Variants in PKD1L1 observed in about 807,000 individuals in gnomAD.
PKD1L1 encodes the protein polycystin 1 like 1, transient receptor potential channel interacting, also known as polycystin-1-like protein 1.
Under a neutral mutation model 323.4 loss-of-function variants are expected in PKD1L1, and 236 were observed. The ratio of observed to expected loss-of-function variants is 0.73; its 90% CI spans 0.66 to 0.81. The LOEUF (loss-of-function observed/expected upper bound fraction) is 0.81, where lower values mean the gene tolerates loss of function less well. PKD1L1 is among the 40% of genes least tolerant of loss of function. The probability of loss-of-function intolerance (pLI) is 0.00; values close to 1 mark genes in which losing one functional copy is unlikely to be tolerated. For missense variants in PKD1L1, 3,320 were observed against 3,508.0 expected, an observed-to-expected ratio of 0.95 and a Z score of 1.35; for synonymous variants, 1,344 against 1,335.0, an observed-to-expected ratio of 1.01 and a Z score of -0.15.
intron 37 of PKD1L1, 27 bp downstream of exon 37, chr7:47,836,894 G>A (rs1785468718): frequency 2.5e-6 from 4 of 1,606,680 alleles, no homozygotes; most frequent in East Asian, 4.5e-5. Flanking sequence ...TCTGGAAGCT[G>A]CTATAAGGAA....
intron 7 of PKD1L1, 98 bp downstream of exon 7, chr7:47,929,106 C>T (rs141107395): frequency 4.2e-5 from 53 of 1,272,200 alleles, no homozygotes; most frequent in Middle Eastern, 4.6e-4. Flanking sequence ...TCCAGAGAAA[C>T]GGAATGCAGT....
chr7:47,943,992 G>C (rs939910501), intron 1 of PKD1L1, among the ~76,000 whole-genome samples: 3 of 152,250 alleles, frequency 2.0e-5, no homozygotes, highest in African/African-American at 7.2e-5. Flanking sequence ...ACCCTGGGGA[G>C]AGATGCCAGC....
At chr7:47,943,602 T>C (rs1477194820) in intron 1 of PKD1L1, 91 bp from the exon 2 acceptor site, 1 of 997,390 alleles carries the variant, frequency 1.0e-6, no homozygotes, top group East Asian at 2.7e-5. Flanking sequence ...TCCATATCCA[T>C]ATTTCTGCCA....
At chr7:47,815,786 A>G (rs1051250312) in intron 46 of PKD1L1, among the ~76,000 whole-genome samples, 10 of 152,166 alleles carry the variant, frequency 6.6e-5, no homozygotes, top group South Asian at 2.1e-4. Flanking sequence ...CTGCCCTCCT[A>G]TGGGGAAACA....
rs142390881 is a variant in PKD1L1, at chr7:47,866,913, G to T, written c.3897-299C>A. On this transcript the variant is annotated intron_variant, in intron 24 of 56. Coordinates refer to ENST00000289672, the MANE Select transcript of PKD1L1 (RefSeq NM_138295.5). The stretch of plus-strand genomic sequence containing the variant: ...GGAATGTATTCCAGAGCCAGACAGA[G>T]ATACCACCACGCTACAGCTGGCCGG... 2.6e-3 allele frequency among the ~76,000 whole-genome samples: 389 copies of T among 152,324 alleles called. 5 individuals carry two copies. The highest frequency in any genetic ancestry group is 8.7e-3 in the African/African-American group (361 of 41,564).
chr7:47,932,250 C>T (rs1014862164), intron 4 of PKD1L1, among the ~76,000 whole-genome samples, 194 bp from the exon 5 acceptor site: 4 of 152,114 alleles, frequency 2.6e-5, no homozygotes, highest in African/African-American at 7.2e-5. Context: ...GCCAAACCAG[C>T]GGGGCTGCTG....
Position 47,866,601 on chromosome 7 carries a change from G to A in PKD1L1, c.3910C>T (p.Leu1304=). 6.2e-7 allele frequency: 1 copy of A among 1,605,906 alleles called. No individual in the cohort carries two copies. The change falls in exon 25 of 57, where the codon CTG becomes TTG. Residue 1304 remains leucine, a synonymous_variant. Coordinates refer to ENST00000289672, the MANE Select transcript of PKD1L1 (RefSeq NM_138295.5). ...AGCTGGAGGGTAGAAAGGTTTTTCA[G>A]GCTGGAATTATACCTGAAGGAAACA... ...CLGEDLYNSS[L]KNLSTLQLMG...
rs796172291 is a variant in PKD1L1 at position 47,820,784 on chromosome 7, T to C, written c.6965+292A>G. Among the ~76,000 whole-genome samples, 5 of 151,270 alleles carry C rather than the reference T, an allele frequency of 3.3e-5. No homozygotes were observed. The South Asian group carries it at 1.0e-3, about 32-fold the overall frequency. On this transcript the variant is annotated intron_variant, in intron 46 of 56. Transcript: ENST00000289672. ...TGTCAGTTATTACGAACTGCAACCA[T>C]AGGCTTTGATAGAAGAACTCTGAGG...
chr7:47,949,451 A>G (rs1045231533), upstream of PKD1L1, among the ~76,000 whole-genome samples: 4 of 151,004 alleles, frequency 2.6e-5, no homozygotes, highest in Non-Finnish European at 4.4e-5. Context: ...GCAGAAGAGC[A>G]TTCCTAAGGA....
At chr7:47,779,032 A>G (rs1350528518) in intron 56 of PKD1L1, among the ~76,000 whole-genome samples, 1 of 152,196 alleles carries the variant, frequency 6.6e-6, no homozygotes, top group African/African-American at 2.4e-5. Flanking sequence ...CTTTGAAAAC[A>G]TATTCTTTCC....
intron 23 of PKD1L1, among the ~76,000 whole-genome samples, chr7:47,875,061 C>T (rs138745368): frequency 7.2e-5 from 11 of 152,314 alleles, no homozygotes; most frequent in African/African-American, 2.4e-4. Context: ...GGCCCAAGGT[C>T]CTTCTATTGG....
At chr7:47,904,311 T>G in intron 12 of PKD1L1, 67 bp downstream of exon 12, 1 of 1,599,596 alleles carries the variant, frequency 6.3e-7, no homozygotes, top group Non-Finnish European at 8.5e-7. Context: ...ACCCAAGGGC[T>G]GATGCCTTAA....
chr7:47,886,703 A>G (rs1786693114), intron 17 of PKD1L1, among the ~76,000 whole-genome samples: 2 of 152,158 alleles, frequency 1.3e-5, no homozygotes, highest in South Asian at 2.1e-4. Flanking sequence ...CACCATGAGT[A>G]AAAGTTTCCT....
intron 53 of PKD1L1, among the ~76,000 whole-genome samples, chr7:47,802,150 C>T (rs1490267521): frequency 6.7e-6 from 1 of 148,722 alleles, no homozygotes; most frequent in Non-Finnish European, 1.5e-5. Flanking sequence ...CGAGATTGCA[C>T]CACTGCCCTC....
chr7:47,804,650 T>A (rs996125346), intron 52 of PKD1L1, among the ~76,000 whole-genome samples: 3 of 151,478 alleles, frequency 2.0e-5, no homozygotes, highest in Non-Finnish European at 2.9e-5. Context: ...ATTATTTTTA[T>A]TTTTTTTGCA....
At chr7:47,790,018 A>C (rs942034885) in intron 56 of PKD1L1, among the ~76,000 whole-genome samples, 1 of 151,926 alleles carries the variant, frequency 6.6e-6, no homozygotes, top group Admixed American at 6.6e-5. Context: ...CCTCCCGAGT[A>C]GCTGGGACTA....
At chr7:47,910,338 T>TC (rs1195597325) in intron 8 of PKD1L1, among the ~76,000 whole-genome samples, 5 of 149,986 alleles carry the variant, frequency 3.3e-5, no homozygotes, top group African/African-American at 9.8e-5. Flanking sequence ...TTACTTTCTT[T>TC]TTTTTTTTTT....
At chr7:47,951,324 G>A (rs1297851204), upstream of PKD1L1, among the ~76,000 whole-genome samples, 1 of 152,178 alleles carries the variant, frequency 6.6e-6, no homozygotes, top group Non-Finnish European at 1.5e-5. Context: ...GAGATCCTGG[G>A]AGGTCTTTCC....
intron 4 of PKD1L1, among the ~76,000 whole-genome samples, chr7:47,935,448 T>A (rs543461890): frequency 6.6e-6 from 1 of 151,768 alleles, no homozygotes; most frequent in African/African-American, 2.4e-5. Flanking sequence ...CAAAATGGAG[T>A]CCGAAAAACA....
Sources: allele counts gnomAD v4.1 joint callset (sites outside exome capture counted in the v4.1 genomes callset), GRCh38; gene constraint gnomAD v4.1.1; transcripts MANE v1.5; gene names NCBI Gene and HGNC (gene_info 2026-07-23, HGNC 2026-07-21).